TNRC6B: variants seen among roughly 807,000 people sequenced by gnomAD.
The protein encoded by TNRC6B is trinucleotide repeat-containing gene 6B protein.
A neutral mutation model predicts 203.6 loss-of-function variants in TNRC6B; 52 were observed. That is an observed-to-expected ratio of 0.26 (90% CI 0.20 to 0.32). TNRC6B has a LOEUF of 0.32. TNRC6B is among the 10% of genes least tolerant of loss of function. The pLI is 1.00. For synonymous variants in TNRC6B, 838 were observed against 845.7 expected (o/e 0.99, Z 0.16); for missense variants, 1,923 against 2,286.2 (o/e 0.84, Z 3.24).
chr22:40,299,751 G>A (rs62239064), intron 12 of TNRC6B, among the ~76,000 whole-genome samples: 15,507 of 152,088 alleles, frequency 0.1, 1,009 homozygotes, highest in South Asian at 0.16. Context: ...GTTCTCCATG[G>A]CCCCAACTAG....
intron 1 of TNRC6B, among the ~76,000 whole-genome samples, chr22:40,107,482 T>A (rs898922949): frequency 3.9e-4 from 60 of 152,178 alleles, no homozygotes; most frequent in African/African-American, 1.4e-3. Context: ...TCCCGTCTTG[T>A]TAAGGGGCCT....
At chr22:40,132,619 T>G (rs1449643012) in intron 3 of TNRC6B, among the ~76,000 whole-genome samples, 21 of 117,978 alleles carry the variant, frequency 1.8e-4, no homozygotes, top group Admixed American at 3.0e-4. Context: ...TACTCCAGCC[T>G]GGGCAACAGA....
chr22:40,072,303 A>T (rs527795620), intron 1 of TNRC6B, among the ~76,000 whole-genome samples: 1 of 152,332 alleles, frequency 6.6e-6, no homozygotes, highest in African/African-American at 2.4e-5. Context: ...CGGAGCGCTT[A>T]CTTAAGAAAC....
At chr22:40,267,734 G>A (rs1023516532) in intron 5 of TNRC6B, among the ~76,000 whole-genome samples, 1 of 152,082 alleles carries the variant, frequency 6.6e-6, no homozygotes, top group East Asian at 1.9e-4. Context: ...GACGGGTGTG[G>A]TGCATGTGCA....
In TNRC6B at chr22:40,154,451, G is replaced by A. The variant is rs183760066; in HGVS notation, c.46-1664G>A. On this transcript the variant is annotated intron_variant, in intron 3 of 23. Transcript: ENST00000301923. Reference sequence around the variant, plus strand: ...TGCACTCCAACCTGGGTGACAGGGCGAGACTCCATCTCAAAAATAAATAAA... The same window carrying A: ...TGCACTCCAACCTGGGTGACAGGGCAAGACTCCATCTCAAAAATAAATAAA... Among the ~76,000 whole-genome samples the A allele has an allele frequency of 6.5e-3, 987 of 151,276 alleles. 3 individuals are homozygous for A. Among genetic ancestry groups the A allele is most frequent in the Non-Finnish European group, 9.3e-3 (628 of 67,846 alleles).
chr22:40,106,065 A>T (rs952278887), intron 1 of TNRC6B, among the ~76,000 whole-genome samples: 1 of 151,844 alleles, frequency 6.6e-6, no homozygotes, highest in African/African-American at 2.4e-5. Flanking sequence ...GGCCATTTGG[A>T]TAATTTTGGT....
chr22:40,265,776 G>A lies in TNRC6B; in HGVS notation c.1546G>A (p.Gly516Arg). ...VSQGEWKQPT[G>R]SDELKIGEWS... ...TCAGGGAGAATGGAAACAGCCGACT[G>A]GGTCTGATGAGTTGAAAATTGGAGA... Residue 516 changes from glycine to arginine, a missense_variant, in exon 5 of 23, where the codon GGG (glycine) becomes AGG (arginine). Physicochemically the swap from Gly to Arg is moderately radical, Grantham distance 125. Coordinates refer to ENST00000454349, the MANE Select transcript of TNRC6B (RefSeq NM_001162501.2). 1.9e-6 allele frequency: 3 copies of A among 1,614,002 alleles called. No homozygotes were observed. Among genetic ancestry groups the A allele is most frequent in the Non-Finnish European group, 2.5e-6 (3 of 1,179,890 alleles).
At chr22:40,076,822 T>A (rs1311119749) in intron 1 of TNRC6B, among the ~76,000 whole-genome samples, 1 of 152,156 alleles carries the variant, frequency 6.6e-6, no homozygotes, top group East Asian at 1.9e-4. Context: ...AGCTTGACAA[T>A]GTGTATCTTT....
At chr22:40,093,002 C>T (rs1205020087) in intron 1 of TNRC6B, among the ~76,000 whole-genome samples, 1 of 152,130 alleles carries the variant, frequency 6.6e-6, no homozygotes, top group East Asian at 1.9e-4. Flanking sequence ...AGGTATTTGA[C>T]TAGCTAAAAT....
chr22:40,131,198 GC>G (rs1487187063), intron 3 of TNRC6B, among the ~76,000 whole-genome samples: 1 of 152,074 alleles, frequency 6.6e-6, no homozygotes, highest in Admixed American at 6.5e-5. Context: ...GGGATTACAG[GC>G]TGAGCCACTG....
intron 1 of TNRC6B, among the ~76,000 whole-genome samples, chr22:40,198,836 T>G (rs2069373232): frequency 6.6e-6 from 1 of 152,132 alleles, no homozygotes; most frequent in South Asian, 2.1e-4. Context: ...CACATCTGTT[T>G]CCTAGTTCTG....
intron 1 of TNRC6B, among the ~76,000 whole-genome samples, chr22:40,099,630 A>C (rs1370053515): frequency 6.6e-6 from 1 of 152,246 alleles, no homozygotes; most frequent in African/African-American, 2.4e-5. Flanking sequence ...TAGCATTTGC[A>C]TTGTATTAGA....
chr22:40,108,932 G>A lies in TNRC6B; in HGVS notation c.-120-8123G>A, dbSNP rs150044281. 9.6e-3 allele frequency among the ~76,000 whole-genome samples: 584 copies of A among 61,126 alleles called. 4 individuals carry two copies. The highest frequency in any genetic ancestry group is 0.05 in the Middle Eastern group (5 of 100). The allele number at this position is 61,126 out of a possible 152,430, so 40.1% of individuals were successfully genotyped here. A position where few individuals can be genotyped will look rare whatever the true frequency, so the allele number is the denominator to read the frequency against. ...TTTTTCCTGATGTCTCCCTCCCCCC[G>A]CCACCCACCCCCAGCCAACAGGCCC... is the stretch of plus-strand genomic sequence containing the variant. On this transcript the variant is annotated intron_variant, in intron 1 of 23. Transcript: ENST00000301923.
chr22:40,057,806 A>T (rs1244930230), intron 1 of TNRC6B, among the ~76,000 whole-genome samples: 1 of 152,134 alleles, frequency 6.6e-6, no homozygotes. Context: ...GAGGAGCTAA[A>T]TGTCTTTCTC....
Position 40,254,387 on chromosome 22 carries a change from G to T in TNRC6B, c.115+3187G>T, listed in dbSNP as rs570539814. On this transcript the variant is annotated intron_variant, in intron 3 of 22. Transcript: ENST00000454349. ...AAGATGTTAGGGGCCAGGCACCGTG[G>T]CACAGGCGTGTAATCCCAGCTACTT... Among the ~76,000 whole-genome samples, 41 of 152,302 alleles carry T rather than the reference G, an allele frequency of 2.7e-4. 1 individual carries two copies. Among genetic ancestry groups the T allele is most frequent in the African/African-American group, 9.9e-4 (41 of 41,556 alleles).
intron 1 of TNRC6B, among the ~76,000 whole-genome samples, chr22:40,065,873 G>A (rs1271520952): frequency 1.3e-5 from 2 of 152,080 alleles, no homozygotes; most frequent in African/African-American, 4.8e-5. Context: ...CACAATTCCT[G>A]GCCCCGTGTG....
chr22:40,088,584 T>TTGTGTGTGTGTGTGTGTGTG (rs58537972), intron 1 of TNRC6B, among the ~76,000 whole-genome samples: 7 of 125,230 alleles, frequency 5.6e-5, no homozygotes, highest in Admixed American at 8.5e-5. Flanking sequence ...GCGGCTACTT[T>TTGTGTGTGTGTGTGTGTGTG]TGTGTGTGTG....
intron 1 of TNRC6B, among the ~76,000 whole-genome samples, chr22:40,180,594 G>T (rs2146379842): frequency 6.6e-6 from 1 of 152,336 alleles, no homozygotes; most frequent in African/African-American, 2.4e-5. Context: ...CTCAGATCCT[G>T]CAGAGCCAAT....
intron 1 of TNRC6B, among the ~76,000 whole-genome samples, chr22:40,188,646 C>G (rs576511832): frequency 2.6e-5 from 4 of 152,000 alleles, no homozygotes; most frequent in Admixed American, 6.6e-5. Context: ...CTCTGCTTAC[C>G]GAAAATAATT....
Sources: allele counts gnomAD v4.1 joint callset (sites outside exome capture counted in the v4.1 genomes callset), GRCh38; gene constraint gnomAD v4.1.1; transcripts MANE v1.5; gene names NCBI Gene and HGNC (gene_info 2026-07-23, HGNC 2026-07-21).